The following SIGLEC6 variants were observed in gnomAD, a reference collection of about 807,000 sequenced individuals.
The protein encoded by SIGLEC6 is sialic acid-binding Ig-like lectin 6.
A neutral mutation model predicts 41.4 loss-of-function variants in SIGLEC6; 31 were observed. The ratio of observed to expected loss-of-function variants is 0.75; its 90% CI spans 0.56 to 1.01. The LOEUF (loss-of-function observed/expected upper bound fraction) is 1.01, where lower values mean the gene tolerates loss of function less well. Ranked by LOEUF, SIGLEC6 falls within the 50% of genes least tolerant of loss-of-function variation. SIGLEC6 has a pLI of 0.00. For synonymous variants in SIGLEC6, 217 were observed against 231.0 expected, an observed-to-expected ratio of 0.94 and a Z score of 0.55; for missense variants, 555 against 558.6, an observed-to-expected ratio of 0.99 and a Z score of 0.06.
At chr19:51,527,119 T>C (rs993048173) in intron 7 of SIGLEC6, among the ~76,000 whole-genome samples, 3 of 152,130 alleles carry the variant, frequency 2.0e-5, no homozygotes, top group African/African-American at 7.2e-5. Flanking sequence ...GAACAACGTA[T>C]TGGAGGATAT....
Position 51,529,838 on chromosome 19 carries a change from T to C in SIGLEC6, c.898A>G (p.Asn300Asp), listed in dbSNP as rs1342407074. 1 of 1,613,902 alleles carries C rather than the reference T, an allele frequency of 6.2e-7. No individual in the cohort carries two copies. Among genetic ancestry groups the C allele is most frequent in the Non-Finnish European group, 8.5e-7 (1 of 1,179,982 alleles). ...TGAGGCAGCTCCAGGACCCCGGTATTGGAGATGGGGGTGGCGTTCAGGGCG... is the reference window on the plus strand; with the variant it reads ...TGAGGCAGCTCCAGGACCCCGGTATCGGAGATGGGGGTGGCGTTCAGGGCG... ...FPALNATPIS[N>D]TGVLELPQVG... Residue 300 changes from asparagine to aspartate, a missense_variant, in exon 5 of 8, where the codon AAT becomes GAT. Transcript: ENST00000425629.
intron 7 of SIGLEC6, among the ~76,000 whole-genome samples, chr19:51,525,889 T>A (rs1373791293): frequency 6.6e-6 from 1 of 152,100 alleles, no homozygotes; most frequent in Non-Finnish European, 1.5e-5. Context: ...GCTGCAGCCA[T>A]GCTGCCCTTG....
rs755797213 is a variant in SIGLEC6 at position 51,531,388 on chromosome 19, A to T, written c.199T>A (p.Trp67Arg). 5 of 1,614,138 alleles carry T rather than the reference A, an allele frequency of 3.1e-6. No individual in the cohort carries two copies. The South Asian group carries it at 5.5e-5, about 18-fold the overall frequency. ...LPASYYGYGY[W>R]FLEGADVPVA... ...GGAACATCAGCCCCTTCCAGGAACCAGTAGCCATAACCATAGTACGAGGCT... is the reference window on the plus strand; with the variant it reads ...GGAACATCAGCCCCTTCCAGGAACCTGTAGCCATAACCATAGTACGAGGCT... Residue 67 changes from tryptophan (W) to arginine (R), a missense_variant, in exon 2 of 8, where the codon TGG becomes AGG. By Grantham distance (101) the Trp-to-Arg change is moderately radical. Transcript: ENST00000425629.
intron 7 of SIGLEC6, among the ~76,000 whole-genome samples, chr19:51,525,387 C>T (rs763057773): frequency 6.6e-6 from 1 of 152,188 alleles, no homozygotes; most frequent in Non-Finnish European, 1.5e-5. Context: ...AGCATAAGGA[C>T]TATCACTGGC....
Position 51,527,799 on chromosome 19 carries a change from T to C in SIGLEC6, c.1136A>G (p.Gln379Arg). The change falls in exon 7 of 8, where the codon CAG (glutamine) becomes CGG (arginine). Residue 379 changes from glutamine to arginine, a missense_variant. Transcript: ENST00000425629. ...RVKTRRKKAA[Q>R]PVQNTDDVNP... ...CACATCATCCGTGTTTTGCACTGGC[T>C]GGGCTGCTTTCTTCCTTCTAGTCTT... 1 of 1,614,176 alleles carries C rather than the reference T, an allele frequency of 6.2e-7. No individual in the cohort carries two copies. Among genetic ancestry groups the C allele is most frequent in the Non-Finnish European group, 8.5e-7 (1 of 1,180,016 alleles).
At chr19:51,522,173 A>C (rs568966259) in intron 7 of SIGLEC6, among the ~76,000 whole-genome samples, 1 of 152,402 alleles carries the variant, frequency 6.6e-6, no homozygotes, top group South Asian at 2.1e-4. Flanking sequence ...CTGGAGAAGG[A>C]ACAGCTATGA....
chr19:51,523,225 G>T (rs896616906), intron 7 of SIGLEC6, among the ~76,000 whole-genome samples: 7 of 152,052 alleles, frequency 4.6e-5, no homozygotes. Flanking sequence ...GATTAGGTAC[G>T]GCAGAAGAAA....
chr19:51,520,118 G>A lies in SIGLEC6; in HGVS notation c.1326C>T (p.Thr442=), dbSNP rs191672812. Residue 442 remains threonine, a synonymous_variant, in exon 8 of 8, where the codon ACC becomes ACT. Coordinates refer to ENST00000425629, the MANE Select transcript of SIGLEC6 (RefSeq NM_001245.7). The stretch of plus-strand genomic sequence containing the variant: ...TCTTGATTTCTGAGTACTCAGTGTC[G>A]GTGACCTTTGGTTCCTGAGGTTGCA... ...HKVQPQEPKV[T]DTEYSEIKIH... The A allele has an allele frequency of 4.0e-4, 640 of 1,592,422 alleles. 3 individuals carry two copies. In the African/African-American group the frequency reaches 6.9e-3, roughly 17 times the overall value.
At position 51,530,743 on chromosome 19, in the gene SIGLEC6, C is replaced by T; in HGVS notation, c.644G>A (p.Cys215Tyr). 2 of 1,614,094 alleles carry T rather than the reference C, an allele frequency of 1.2e-6. No homozygotes were observed. The highest frequency in any genetic ancestry group is 1.7e-6 in the Non-Finnish European group (2 of 1,179,990). Residue 215 changes from cysteine to tyrosine, a missense_variant, in exon 3 of 8, where the codon TGT becomes TAT. By Grantham distance (194) the Cys-to-Tyr change is radical. Coordinates refer to ENST00000425629, the MANE Select transcript of SIGLEC6 (RefSeq NM_001245.7). ...RPQDHSTNLT[C>Y]QVTFPGAGVT... is the part of the protein sequence containing the mutation. ...ACCGGCTCCAGGGAACGTCACCTGA[C>T]AGGTGAGGTTGGTGCTGTGGTCCTG...
chr19:51,527,150 A>G (rs1021485741), intron 7 of SIGLEC6, among the ~76,000 whole-genome samples: 1 of 152,096 alleles, frequency 6.6e-6, no homozygotes, highest in Non-Finnish European at 1.5e-5. Flanking sequence ...AATGTCCCCA[A>G]CCTCTCTAGA....
Position 51,530,870 on chromosome 19 carries a change from C to T in SIGLEC6, c.517G>A (p.Glu173Lys). 2 of 1,613,912 alleles carry T rather than the reference C, an allele frequency of 1.2e-6. No homozygotes were observed. The highest frequency in any genetic ancestry group is 1.1e-5 in the South Asian group (1 of 91,088). The change falls in exon 3 of 8, where the codon GAG becomes AAG. Residue 173 changes from glutamate (E) to lysine (K), a missense_variant. Physicochemically the swap from Glu to Lys is moderately conservative, Grantham distance 56. Transcript: ENST00000425629. ...NLTCSVPWVC[E>K]QGTPPIFSWM... ...GAGAAGATGGGGGGCGTCCCCTGCT[C>T]ACAGACCCAGGGCACAGAGCAGGTC...
rs765868335 is a variant in SIGLEC6, at chr19:51,531,625, G to C, written c.24C>G (p.Ser8=). 4 of 1,610,762 alleles carry C rather than the reference G, an allele frequency of 2.5e-6. No individual in the cohort carries two copies. The Admixed American group carries it at 5.0e-5, about 20-fold the overall frequency. ...GCAGCAGCGGTAGCATCTCTGAGGC[G>C]GAGGCTTCCTGGGCTCCCTGCATGA... is the stretch of plus-strand genomic sequence containing the variant. The part of the protein sequence containing the change: MQGAQEA[S]ASEMLPLLLP... The change falls in exon 1 of 8, where the codon TCC becomes TCG. Residue 8 remains serine (S), a synonymous_variant. Transcript: ENST00000425629.
At chr19:51,524,457 T>A in intron 7 of SIGLEC6, among the ~76,000 whole-genome samples, 1 of 152,174 alleles carries the variant, frequency 6.6e-6, no homozygotes, top group Non-Finnish European at 1.5e-5. Context: ...ATGCAACCAA[T>A]CACAGAGCAT....
rs1021065635 is a variant in SIGLEC6 at position 51,518,626 on chromosome 19, C to T, written c.*1456G>A. On this transcript the variant is annotated 3_prime_UTR_variant, in exon 8 of 8. Coordinates refer to ENST00000425629, the MANE Select transcript of SIGLEC6 (RefSeq NM_001245.7). Reference sequence around the variant, plus strand: ...AAGTGCTGGGATTACAGGCGTGAGCCACTGCTAACTGTGGTCTTTTAAGTG... The same window carrying T: ...AAGTGCTGGGATTACAGGCGTGAGCTACTGCTAACTGTGGTCTTTTAAGTG... Among the ~76,000 whole-genome samples, 1 of 152,234 alleles carries T rather than the reference C, an allele frequency of 6.6e-6. No homozygotes were observed. Among genetic ancestry groups the T allele is most frequent in the Non-Finnish European group, 1.5e-5 (1 of 68,042 alleles).
chr19:51,530,518 C>T, intron 3 of SIGLEC6, 34 bp from the exon 4 acceptor site: 1 of 1,613,830 alleles, frequency 6.2e-7, no homozygotes, highest in Non-Finnish European at 8.5e-7. Context: ...CTCAACATCC[C>T]TGAGGAGGGA....
chr19:51,520,276 G>T (rs750831646), intron 7 of SIGLEC6, 21 bp from the exon 8 acceptor site: 141 of 1,534,426 alleles, frequency 9.2e-5, no homozygotes, highest in Non-Finnish European at 9.6e-5. Context: ...GAAAAGAAAA[G>T]ATTCAGGGCT....
At position 51,518,084 on chromosome 19, in the gene SIGLEC6, C is replaced by G. The variant is rs182273384; in HGVS notation, c.*1998G>C. Among the ~76,000 whole-genome samples, 2 of 152,114 alleles carry G rather than the reference C, an allele frequency of 1.3e-5. No individual in the cohort carries two copies. Among genetic ancestry groups the G allele is most frequent in the African/African-American group, 2.4e-5 (1 of 41,434 alleles). ...AAAAATCTAATCTGGGATCACTTTC[C>G]TAATACCTGAATTATATGTTTTAGA... On this transcript the variant is annotated 3_prime_UTR_variant, in exon 8 of 8. Transcript: ENST00000425629.
chr19:51,523,157 CTGAAT>C (rs1169078128), intron 7 of SIGLEC6, among the ~76,000 whole-genome samples: 1 of 151,958 alleles, frequency 6.6e-6, no homozygotes, highest in African/African-American at 2.4e-5. Flanking sequence ...AAAAAATAAA[CTGAAT>C]TGAATTTCTA....
At chr19:51,526,079 A>G (rs989853743) in intron 7 of SIGLEC6, among the ~76,000 whole-genome samples, 1 of 152,152 alleles carries the variant, frequency 6.6e-6, no homozygotes, top group Non-Finnish European at 1.5e-5. Flanking sequence ...ACCCAGGGTA[A>G]TTATTCCAAT....
Sources: gnomAD v4.1 joint callset for allele counts (sites outside exome capture counted in the v4.1 genomes callset) on GRCh38, gnomAD v4.1.1 for gene constraint, MANE v1.5 for transcripts, NCBI Gene and HGNC (gene_info 2026-07-23, HGNC 2026-07-21) for gene names.